Variants in PGR observed in about 807,000 individuals in gnomAD.
The protein encoded by PGR is progesterone receptor.
In PGR, 25 loss-of-function variants were observed where a neutral mutation model predicts 76.1. The ratio of observed to expected loss-of-function variants is 0.33; its 90% confidence interval spans 0.24 to 0.46. The LOEUF (loss-of-function observed/expected upper bound fraction) is 0.46. Ranked by LOEUF, PGR falls within the 20% of genes least tolerant of loss-of-function variation. The pLI is 1.00. For missense variants in PGR, 1,172 were observed against 1,225.3 expected (o/e 0.96, Z 0.65); for synonymous variants, 579 against 535.0 (o/e 1.08, Z -1.14).
chr11:101,083,889 CTT>C (rs1265906010), intron 3 of PGR, among the ~76,000 whole-genome samples: 5 of 152,102 alleles, frequency 3.3e-5, no homozygotes, highest in African/African-American at 1.2e-4. Context: ...TGAGTTAAGA[CTT>C]TGGGGGACTG....
intron 6 of PGR, among the ~76,000 whole-genome samples, chr11:101,047,717 A>G (rs547248347): frequency 2.0e-5 from 3 of 152,154 alleles, no homozygotes; most frequent in Non-Finnish European, 4.4e-5. Flanking sequence ...AGAAATCACA[A>G]TGAATCACAA....
At chr11:101,040,759 C>G (rs1012212096) in intron 7 of PGR, among the ~76,000 whole-genome samples, 1 of 151,944 alleles carries the variant, frequency 6.6e-6, no homozygotes, top group Non-Finnish European at 1.5e-5. Flanking sequence ...TACACCGGAC[C>G]CTTTTTGTTA....
chr11:101,054,087 G>T (rs1490545018), intron 4 of PGR, among the ~76,000 whole-genome samples: 2 of 152,154 alleles, frequency 1.3e-5, no homozygotes, highest in Non-Finnish European at 2.9e-5. Context: ...TGTGATGCTT[G>T]CTTTTTAGCC....
At position 101,074,786 on chromosome 11, in the gene PGR, C is replaced by T. The variant is rs143928695; in HGVS notation, c.1907-12034G>A. ...AAGTCACGAGAAATGTGAAGGACCCCTTCAAGGAGAACTACAAATCAACGC... is the reference window on the plus strand; with the variant it reads ...AAGTCACGAGAAATGTGAAGGACCCTTTCAAGGAGAACTACAAATCAACGC... On this transcript the variant is annotated intron_variant, in intron 3 of 7. Coordinates refer to ENST00000325455, the MANE Select transcript of PGR (RefSeq NM_000926.4). 1.7e-3 allele frequency among the ~76,000 whole-genome samples: 252 copies of T among 152,212 alleles called. 1 individual carries two copies. Among genetic ancestry groups the T allele is most frequent in the African/African-American group, 5.7e-3 (238 of 41,534 alleles).
chr11:101,124,168 T>A (rs570586629), intron 2 of PGR, among the ~76,000 whole-genome samples: 1 of 152,314 alleles, frequency 6.6e-6, no homozygotes, highest in African/African-American at 2.4e-5. Flanking sequence ...ATAAAGGTGC[T>A]TCACTTCTAG....
At chr11:101,115,235 T>C (rs779082234) in intron 2 of PGR, among the ~76,000 whole-genome samples, 5 of 152,114 alleles carry the variant, frequency 3.3e-5, no homozygotes, top group Non-Finnish European at 7.4e-5. Context: ...ATTTCATGCA[T>C]TCTCAGCAGC....
At chr11:101,113,521 C>T (rs1057403096) in intron 2 of PGR, among the ~76,000 whole-genome samples, 6 of 151,990 alleles carry the variant, frequency 3.9e-5, no homozygotes, top group East Asian at 1.9e-4. Flanking sequence ...CTGCCCACCT[C>T]GGCCTTCCAG....
chr11:101,060,878 G>C (rs1488719890), intron 4 of PGR, among the ~76,000 whole-genome samples: 1 of 152,074 alleles, frequency 6.6e-6, no homozygotes, highest in Non-Finnish European at 1.5e-5. Flanking sequence ...TGGTTGTGTG[G>C]GGGTCAAAAA....
At chr11:101,061,872 T>C (rs553272) in intron 4 of PGR, among the ~76,000 whole-genome samples, 21,002 of 152,106 alleles carry the variant, frequency 0.14, 1,909 homozygotes, top group African/African-American at 0.25. Flanking sequence ...TAATCCAAGT[T>C]CTCTCTGTTG....
At chr11:101,044,818 C>T (rs763540640) in intron 6 of PGR, among the ~76,000 whole-genome samples, 25 of 151,328 alleles carry the variant, frequency 1.7e-4, no homozygotes, top group African/African-American at 4.9e-4. Flanking sequence ...GCAATTCTCC[C>T]GCCTCAGCCT....
chr11:101,089,612 T>C (rs1457463942), intron 3 of PGR, among the ~76,000 whole-genome samples: 1 of 150,354 alleles, frequency 6.7e-6, no homozygotes, highest in Non-Finnish European at 1.5e-5. Flanking sequence ...GAATAGTATC[T>C]GGTAACTAGA....
chr11:101,046,812 A>G lies in PGR; in HGVS notation c.2488+3117T>C, dbSNP rs1211835154. On this transcript the variant is annotated intron_variant, in intron 6 of 7. Transcript: ENST00000325455. Reference sequence around the variant, plus strand: ...GACTCATTGATTTGTGGTTTCCACTATACTATTTATATTCTAATATATACT... The same window carrying G: ...GACTCATTGATTTGTGGTTTCCACTGTACTATTTATATTCTAATATATACT... Among the ~76,000 whole-genome samples, 6 of 152,248 alleles carry G rather than the reference A, an allele frequency of 3.9e-5. No homozygotes were observed. The East Asian group carries it at 1.2e-3, about 29-fold the overall frequency.
At chr11:101,048,838 A>G (rs114393519) in intron 6 of PGR, among the ~76,000 whole-genome samples, 1,613 of 152,248 alleles carry the variant, frequency 0.011, 36 homozygotes, top group African/African-American at 0.037. Context: ...TTTACTTTAT[A>G]AACTCTAGTT....
Position 101,127,664 on chromosome 11 carries a change from C to A in PGR, c.1407G>T (p.Pro469=), listed in dbSNP as rs939031176. The A allele has an allele frequency of 5.2e-6, 8 of 1,532,652 alleles. No individual in the cohort carries two copies. The African/African-American group carries it at 8.4e-5, about 16-fold the overall frequency. The allele number at this position is 1,532,652 out of a possible 1,614,324, so 94.9% of individuals were successfully genotyped here. ...ECILYKAEGA[P]PQQGPFAPPP... ...GCGGCGCGAACGGGCCCTGCTGGGG[C>A]GGCGCGCCCTCCGCTTTGTACAGGA... The change falls in exon 1 of 8, where the codon CCG becomes CCT. Residue 469 remains proline (P), a synonymous_variant. Transcript: ENST00000325455.
intron 3 of PGR, among the ~76,000 whole-genome samples, chr11:101,074,107 A>T (rs1456247319): frequency 6.6e-6 from 1 of 152,214 alleles, no homozygotes; most frequent in Non-Finnish European, 1.5e-5. Context: ...ATCCAGCAGC[A>T]CATCAAAAAG....
Position 101,034,870 on chromosome 11 carries a change from G to T in PGR, c.*4246C>A, listed in dbSNP as rs1181495417. On this transcript the variant is annotated 3_prime_UTR_variant, in exon 8 of 8. Transcript: ENST00000325455. ...TAAGGACCATAGAGTGTGGAATAAT[G>T]GTACATTAAATAGTCCACAGATGCT... 5.5e-6 allele frequency: 1 copy of T among 180,872 alleles called. No homozygotes were observed. Among genetic ancestry groups the T allele is most frequent in the Non-Finnish European group, 1.2e-5 (1 of 84,800 alleles). The allele number at this position is 180,872 out of a possible 1,614,324, so 11.2% of individuals were successfully genotyped here.
intron 3 of PGR, among the ~76,000 whole-genome samples, chr11:101,083,009 T>C (rs1048202920): frequency 4.6e-5 from 7 of 152,166 alleles, no homozygotes; most frequent in Admixed American, 2.0e-4. Context: ...GCCCCTCCCA[T>C]CACAGGCACA....
At chr11:101,102,942 A>T (rs897330067) in intron 2 of PGR, among the ~76,000 whole-genome samples, 2 of 151,866 alleles carry the variant, frequency 1.3e-5, no homozygotes, top group Non-Finnish European at 2.9e-5. Context: ...AGATTCTCAT[A>T]AGGAGCACAA....
chr11:101,070,511 G>A (rs1860892210), intron 3 of PGR, among the ~76,000 whole-genome samples: 2 of 152,168 alleles, frequency 1.3e-5, no homozygotes, highest in Non-Finnish European at 2.9e-5. Flanking sequence ...TGAAGCCAGG[G>A]AGCCAAGTGA....
Sources: allele counts gnomAD v4.1 joint callset (sites outside exome capture counted in the v4.1 genomes callset), GRCh38; gene constraint gnomAD v4.1.1; transcripts MANE v1.5; gene names NCBI Gene and HGNC (gene_info 2026-07-23, HGNC 2026-07-21).